The following TMC1 variants were observed in gnomAD, a reference collection of about 807,000 sequenced individuals.
The protein encoded by TMC1 is transmembrane channel-like protein 1.
A neutral mutation model predicts 105.8 loss-of-function variants in TMC1; 84 were observed. The ratio of observed to expected loss-of-function variants is 0.79; its 90% CI spans 0.67 to 0.95. TMC1 has a LOEUF of 0.95. Among genes scored for constraint, TMC1 ranks in the 40% least tolerant of loss-of-function variants. The pLI, the probability that TMC1 is intolerant of heterozygous loss-of-function variation, is 0.00. For synonymous variants in TMC1, 315 were observed against 311.5 expected, an observed-to-expected ratio of 1.01 and a Z score of -0.12; for missense variants, 817 against 914.1, an observed-to-expected ratio of 0.89 and a Z score of 1.37.
At chr9:72,626,788 G>A (rs1040984571) in intron 3 of TMC1, among the ~76,000 whole-genome samples, 4 of 152,152 alleles carry the variant, frequency 2.6e-5, no homozygotes, top group African/African-American at 9.7e-5. Context: ...GGGGTAAGGA[G>A]GGGTAAGAAG....
chr9:72,523,352 C>A (rs897007965), intron 1 of TMC1, among the ~76,000 whole-genome samples: 2 of 152,024 alleles, frequency 1.3e-5, no homozygotes, highest in African/African-American at 4.8e-5. Flanking sequence ...CTTGCGTAGT[C>A]AAAAATCTGA....
chr9:72,792,399 G>C, intron 17 of TMC1, 47 bp downstream of exon 17: 1 of 1,608,928 alleles, frequency 6.2e-7, no homozygotes. Flanking sequence ...ATTAAAAAAA[G>C]AGAGTCAATA....
intron 5 of TMC1, among the ~76,000 whole-genome samples, chr9:72,679,437 T>C (rs879776675): frequency 3.3e-5 from 5 of 152,122 alleles, no homozygotes; most frequent in Non-Finnish European, 5.9e-5. Flanking sequence ...AACAAGAGCA[T>C]TTGTTATTTG....
intron 1 of TMC1, among the ~76,000 whole-genome samples, chr9:72,528,456 T>A (rs1337488512): frequency 2.0e-5 from 3 of 152,066 alleles, no homozygotes; most frequent in Non-Finnish European, 4.4e-5. Flanking sequence ...TGCCTCAGCT[T>A]CCCAAGTAGC....
rs529910050 is a variant in TMC1, at chr9:72,825,971, C to T, written c.2004-898C>T. Among the ~76,000 whole-genome samples, 5 of 152,048 alleles carry T rather than the reference C, an allele frequency of 3.3e-5. No individual in the cohort carries two copies. In the East Asian group the frequency reaches 9.7e-4, roughly 29 times the overall value. On this transcript the variant is annotated intron_variant, in intron 20 of 23. Coordinates refer to ENST00000297784, the MANE Select transcript of TMC1 (RefSeq NM_138691.3). ...GAAAAAAACCATAATCTGGGACTTG[C>T]GTGTCATTGTTATTTAGTAGTTGAA...
chr9:72,704,995 G>A (rs1826711481), intron 8 of TMC1, among the ~76,000 whole-genome samples: 1 of 151,886 alleles, frequency 6.6e-6, no homozygotes, highest in African/African-American at 2.4e-5. Flanking sequence ...CCAATTATTT[G>A]AAAGTCAATT....
intron 13 of TMC1, among the ~76,000 whole-genome samples, chr9:72,784,993 C>T (rs185421333): frequency 2.8e-4 from 43 of 152,236 alleles, no homozygotes; most frequent in Admixed American, 5.9e-4. Context: ...TTGGTTACTA[C>T]GCTCATCATC....
At chr9:72,812,532 T>C (rs1828723050) in intron 18 of TMC1, among the ~76,000 whole-genome samples, 1 of 152,228 alleles carries the variant, frequency 6.6e-6, no homozygotes, top group Non-Finnish European at 1.5e-5. Context: ...TCAGTGCTTC[T>C]GGAATTTGAG....
At chr9:72,696,726 A>G (rs945711565) in intron 7 of TMC1, among the ~76,000 whole-genome samples, 9 of 152,188 alleles carry the variant, frequency 5.9e-5, no homozygotes, top group African/African-American at 2.2e-4. Flanking sequence ...GAGTATTTCC[A>G]GTAATATTAC....
intron 3 of TMC1, among the ~76,000 whole-genome samples, chr9:72,623,120 T>G: frequency 6.8e-6 from 1 of 147,682 alleles, no homozygotes. Flanking sequence ...AAAGAAAGGG[T>G]TTTATTTGTC....
At chr9:72,660,052 G>T (rs1482486215) in intron 5 of TMC1, among the ~76,000 whole-genome samples, 1 of 151,986 alleles carries the variant, frequency 6.6e-6, no homozygotes, top group African/African-American at 2.4e-5. Flanking sequence ...TGAGGAGGAG[G>T]ATCATCAATG....
intron 5 of TMC1, among the ~76,000 whole-genome samples, chr9:72,652,475 A>G (rs1825828426): frequency 1.3e-5 from 2 of 151,874 alleles, no homozygotes; most frequent in African/African-American, 2.4e-5. Flanking sequence ...GAGGAGGATA[A>G]GCCCATGGAA....
chr9:72,680,322 A>T (rs1421383822), intron 5 of TMC1, among the ~76,000 whole-genome samples: 1 of 152,106 alleles, frequency 6.6e-6, no homozygotes, highest in African/African-American at 2.4e-5. Context: ...CTTCCTGAAT[A>T]TTGCAAGTTG....
chr9:72,544,167 T>C (rs957483632), intron 1 of TMC1, among the ~76,000 whole-genome samples: 4 of 152,060 alleles, frequency 2.6e-5, no homozygotes, highest in African/African-American at 9.7e-5. Context: ...GTCAGGCTGG[T>C]CTCGAACAGC....
intron 17 of TMC1, among the ~76,000 whole-genome samples, chr9:72,802,458 CA>C (rs1459052836): frequency 6.6e-6 from 1 of 152,024 alleles, no homozygotes; most frequent in Non-Finnish European, 1.5e-5. Flanking sequence ...TCAGCAAATG[CA>C]AAATAACTGA....
chr9:72,803,026 A>C (rs1233485656), intron 17 of TMC1, among the ~76,000 whole-genome samples: 1 of 152,170 alleles, frequency 6.6e-6, no homozygotes, highest in African/African-American at 2.4e-5. Context: ...TACTGGTGCA[A>C]AAACAGGCAG....
chr9:72,801,180 A>G (rs1828464186), intron 17 of TMC1, among the ~76,000 whole-genome samples: 1 of 152,164 alleles, frequency 6.6e-6, no homozygotes, highest in African/African-American at 2.4e-5. Flanking sequence ...GCAGATTCCC[A>G]AGCAATCATT....
At chr9:72,742,668 C>T (rs943831746) in intron 10 of TMC1, 143 bp downstream of exon 10, 2 of 767,140 alleles carry the variant, frequency 2.6e-6, no homozygotes, top group East Asian at 2.7e-5. Flanking sequence ...TCAACAAAAA[C>T]TTTGTTTATG....
intron 1 of TMC1, among the ~76,000 whole-genome samples, chr9:72,554,934 G>A (rs1470982448): frequency 6.6e-6 from 1 of 151,950 alleles, no homozygotes; most frequent in Non-Finnish European, 1.5e-5. Flanking sequence ...GCCAAAGTGC[G>A]ATGGCACAAT....
Sources: gnomAD v4.1 joint callset for allele counts (sites outside exome capture counted in the v4.1 genomes callset) on GRCh38, gnomAD v4.1.1 for gene constraint, MANE v1.5 for transcripts, NCBI Gene and HGNC (gene_info 2026-07-23, HGNC 2026-07-21) for gene names.